FGF12: variants seen among roughly 807,000 people sequenced by gnomAD.
FGF12 encodes the protein fibroblast growth factor 12, also known as fibroblast growth factor 12B.
Under a neutral mutation model 23.6 loss-of-function variants are expected in FGF12, and 14 were observed. That is an observed-to-expected ratio of 0.59 (90% CI 0.39 to 0.93). FGF12 has a LOEUF of 0.93. Ranked by LOEUF, FGF12 falls within the 40% of genes least tolerant of loss-of-function variation. FGF12 has a pLI of 0.00. For missense variants in FGF12, 175 were observed against 217.8 expected, an observed-to-expected ratio of 0.80 and a Z score of 1.24; for synonymous variants, 62 against 77.3, an observed-to-expected ratio of 0.80 and a Z score of 1.04.
At chr3:192,693,556 C>T (rs751629069) in intron 2 of FGF12, among the ~76,000 whole-genome samples, 60 of 151,910 alleles carry the variant, frequency 3.9e-4, no homozygotes, top group East Asian at 3.8e-4. Flanking sequence ...CCATGAAAAC[C>T]GACACATAGA....
intron 4 of FGF12, among the ~76,000 whole-genome samples, chr3:192,279,079 T>C (rs1713979072): frequency 6.6e-6 from 1 of 152,124 alleles, no homozygotes; most frequent in Non-Finnish European, 1.5e-5. Flanking sequence ...ATTAAGTGAA[T>C]AAGTGTTTTA....
intron 4 of FGF12, among the ~76,000 whole-genome samples, chr3:192,324,316 G>A (rs1452285693): frequency 6.6e-6 from 1 of 152,010 alleles, no homozygotes; most frequent in African/African-American, 2.4e-5. Context: ...ATTTGATTAG[G>A]CAAAGCAGGA....
chr3:192,468,475 G>A (rs960795937), intron 2 of FGF12, among the ~76,000 whole-genome samples: 64 of 152,262 alleles, frequency 4.2e-4, no homozygotes, highest in Middle Eastern at 3.4e-3. Context: ...GCAGTATACT[G>A]ATGGGTTATT....
intron 5 of FGF12, among the ~76,000 whole-genome samples, chr3:192,163,490 G>A (rs1450318720): frequency 6.6e-6 from 1 of 152,102 alleles, no homozygotes; most frequent in Non-Finnish European, 1.5e-5. Context: ...ACAATAATAT[G>A]AATAAATTTA....
At chr3:192,691,413 TTAAAG>T (rs1245611332) in intron 2 of FGF12, among the ~76,000 whole-genome samples, 1 of 151,912 alleles carries the variant, frequency 6.6e-6, no homozygotes, top group African/African-American at 2.4e-5. Context: ...TATGTGGAAA[TTAAAG>T]TAAATACTTC....
chr3:192,696,108 T>C (rs566051504), intron 2 of FGF12, among the ~76,000 whole-genome samples: 1 of 151,882 alleles, frequency 6.6e-6, no homozygotes, highest in African/African-American at 2.4e-5. Context: ...AATGGTGGGC[T>C]ATGAAGCTCT....
At chr3:192,367,916 A>T (rs1719055690) in intron 2 of FGF12, among the ~76,000 whole-genome samples, 2 of 152,186 alleles carry the variant, frequency 1.3e-5, no homozygotes, top group Admixed American at 1.3e-4. Flanking sequence ...CAACCCCAAA[A>T]GTGCTGATAT....
chr3:192,322,002 C>T (rs1228611652), intron 4 of FGF12, among the ~76,000 whole-genome samples: 10 of 151,846 alleles, frequency 6.6e-5, no homozygotes, highest in African/African-American at 2.2e-4. Context: ...TAAAAAGCAT[C>T]CAAATTGGAA....
At chr3:192,434,517 A>G (rs1381262309) in intron 2 of FGF12, among the ~76,000 whole-genome samples, 2 of 152,086 alleles carry the variant, frequency 1.3e-5, no homozygotes, top group Non-Finnish European at 2.9e-5. Context: ...GTGTGCAGGC[A>G]TATGTGTACA....
In FGF12 at chr3:192,577,079, T is replaced by G. The variant is rs543093488; in HGVS notation, c.13+150102A>C. On this transcript the variant is annotated intron_variant, in intron 2 of 5. Transcript: ENST00000445105. Reference sequence around the variant, plus strand: ...GGCGGGTGGGGGACTAGGGGAGGGATAGCATTAGGAGAAATACCTAATGTA... The same window carrying G: ...GGCGGGTGGGGGACTAGGGGAGGGAGAGCATTAGGAGAAATACCTAATGTA... Among the ~76,000 whole-genome samples, 118 of 152,092 alleles carry G rather than the reference T, an allele frequency of 7.8e-4. No individual in the cohort carries two copies. The Middle Eastern group carries it at 0.02, about 26-fold the overall frequency.
intron 2 of FGF12, among the ~76,000 whole-genome samples, chr3:192,519,471 A>G (rs1229531861): frequency 6.6e-6 from 1 of 152,142 alleles, no homozygotes; most frequent in East Asian, 1.9e-4. Context: ...ACATGATGTC[A>G]GTTAGTGGTA....
At chr3:192,696,211 T>C (rs568168948) in intron 2 of FGF12, among the ~76,000 whole-genome samples, 3 of 152,124 alleles carry the variant, frequency 2.0e-5, no homozygotes, top group East Asian at 1.9e-4. Flanking sequence ...ACCCCATTTG[T>C]ACCCACCAGT....
At chr3:192,457,541 A>T (rs1407151685) in intron 2 of FGF12, among the ~76,000 whole-genome samples, 2 of 152,212 alleles carry the variant, frequency 1.3e-5, no homozygotes, top group African/African-American at 4.8e-5. Flanking sequence ...TTTTGCCCCC[A>T]TCCTAGAAAT....
At chr3:192,549,536 T>C (rs1048092698) in intron 2 of FGF12, among the ~76,000 whole-genome samples, 6 of 152,126 alleles carry the variant, frequency 3.9e-5, no homozygotes, top group African/African-American at 1.4e-4. Flanking sequence ...AAATTTGGAA[T>C]GTTAATTTTA....
At chr3:192,463,216 C>T (rs775129735) in intron 2 of FGF12, among the ~76,000 whole-genome samples, 52 of 151,982 alleles carry the variant, frequency 3.4e-4, no homozygotes, top group Non-Finnish European at 4.0e-4. Context: ...GCCAGAAGTT[C>T]GAGACCAGCC....
chr3:192,722,778 A>T (rs1383063035), intron 2 of FGF12, among the ~76,000 whole-genome samples: 1 of 152,218 alleles, frequency 6.6e-6, no homozygotes, highest in African/African-American at 2.4e-5. Context: ...TGGAATGTTA[A>T]AGGCTCAGAT....
intron 4 of FGF12, among the ~76,000 whole-genome samples, chr3:192,217,230 C>T (rs375798235): frequency 1.6e-4 from 24 of 152,162 alleles, no homozygotes; most frequent in Non-Finnish European, 3.1e-4. Flanking sequence ...GAGGATAAAA[C>T]GAGTTAATCC....
chr3:192,685,508 G>A (rs1272749347), intron 2 of FGF12, among the ~76,000 whole-genome samples: 2 of 152,198 alleles, frequency 1.3e-5, no homozygotes, highest in East Asian at 1.9e-4. Flanking sequence ...CCAAGAGCTC[G>A]CAAAGCAGAA....
At chr3:192,439,849 C>T (rs184457374) in intron 2 of FGF12, among the ~76,000 whole-genome samples, 2,077 of 151,796 alleles carry the variant, frequency 0.014, 23 homozygotes, top group Non-Finnish European at 0.02. Flanking sequence ...TGGTGGTGGG[C>T]GCCTGTAATC....
Sources: gnomAD v4.1 joint callset for allele counts (sites outside exome capture counted in the v4.1 genomes callset) on GRCh38, gnomAD v4.1.1 for gene constraint, MANE v1.5 for transcripts, NCBI Gene and HGNC (gene_info 2026-07-23, HGNC 2026-07-21) for gene names.